The following UBE2E2 variants were observed in gnomAD, a reference collection of about 807,000 sequenced individuals.
The protein encoded by UBE2E2 is ubiquitin conjugating enzyme E2 E2.
UBE2E2 carries 6 observed loss-of-function variants against 24.7 expected under a neutral mutation model. The observed-to-expected ratio is 0.24, with a 90% CI of 0.13 to 0.48. The LOEUF is 0.48. Among genes scored for constraint, UBE2E2 ranks in the 20% least tolerant of loss-of-function variants. The pLI is 0.99. For synonymous variants in UBE2E2, 104 were observed against 83.6 expected (o/e 1.24, Z -1.33); for missense variants, 169 against 245.0 (o/e 0.69, Z 2.07).
intron 3 of UBE2E2, among the ~76,000 whole-genome samples, chr3:23,496,497 G>A (rs982074211): frequency 2.0e-5 from 3 of 152,130 alleles, no homozygotes; most frequent in South Asian, 2.1e-4. Flanking sequence ...AGTAGTATAT[G>A]TCCCTGTTTG....
intron 3 of UBE2E2, among the ~76,000 whole-genome samples, chr3:23,496,695 A>G (rs1483134245): frequency 6.6e-6 from 1 of 152,080 alleles, no homozygotes; most frequent in Non-Finnish European, 1.5e-5. Flanking sequence ...CAATTTTGCT[A>G]TTATAAATAG....
At chr3:23,349,570 C>A (rs1348627342) in intron 3 of UBE2E2, among the ~76,000 whole-genome samples, 1 of 152,220 alleles carries the variant, frequency 6.6e-6, no homozygotes, top group South Asian at 2.1e-4. Flanking sequence ...AACGGCGCAC[C>A]AGGAGATTAT....
chr3:23,472,011 GT>G (rs1487668440), intron 3 of UBE2E2, among the ~76,000 whole-genome samples: 2 of 149,884 alleles, frequency 1.3e-5, no homozygotes, highest in Non-Finnish European at 3.0e-5. Context: ...GCAAAATAAC[GT>G]TCCTACAATG....
chr3:23,539,275 T>G (rs1695334265), intron 5 of UBE2E2, among the ~76,000 whole-genome samples: 1 of 152,210 alleles, frequency 6.6e-6, no homozygotes, highest in Non-Finnish European at 1.5e-5. Context: ...ATTAACTGTT[T>G]ATTCTTTTTT....
intron 3 of UBE2E2, among the ~76,000 whole-genome samples, chr3:23,368,025 A>G (rs188603487): frequency 1.2e-4 from 19 of 152,222 alleles, no homozygotes; most frequent in Admixed American, 1.0e-3. Flanking sequence ...ACATATAGAT[A>G]TTTGGCTTTG....
At chr3:23,454,223 AT>A (rs1698626567) in intron 3 of UBE2E2, among the ~76,000 whole-genome samples, 1 of 152,216 alleles carries the variant, frequency 6.6e-6, no homozygotes, top group South Asian at 2.1e-4. Context: ...GATTTTTTAA[AT>A]TTTAACAGTA....
intron 5 of UBE2E2, among the ~76,000 whole-genome samples, chr3:23,552,623 C>T (rs1695671529): frequency 6.6e-6 from 1 of 152,146 alleles, no homozygotes; most frequent in African/African-American, 2.4e-5. Context: ...TCTGCATTCC[C>T]ACTCTACAGT....
At chr3:23,204,019 T>G (rs1360738420) in intron 1 of UBE2E2, among the ~76,000 whole-genome samples, 1 of 152,064 alleles carries the variant, frequency 6.6e-6, no homozygotes, top group East Asian at 1.9e-4. Flanking sequence ...TGTATTGGTC[T>G]TTTGTGATGC....
At chr3:23,315,879 G>A (rs934400871) in intron 3 of UBE2E2, among the ~76,000 whole-genome samples, 3 of 152,044 alleles carry the variant, frequency 2.0e-5, no homozygotes, top group Non-Finnish European at 4.4e-5. Flanking sequence ...ACCTGTAGAG[G>A]TACCATCTTG....
chr3:23,448,021 A>G (rs9880889), intron 3 of UBE2E2, among the ~76,000 whole-genome samples: 28,699 of 152,096 alleles, frequency 0.19, 3,833 homozygotes, highest in African/African-American at 0.37. Context: ...TATAAAATCA[A>G]TGTTCAGAGG....
At chr3:23,354,276 TA>T (rs1209745456) in intron 3 of UBE2E2, among the ~76,000 whole-genome samples, 2 of 151,988 alleles carry the variant, frequency 1.3e-5, no homozygotes, top group Non-Finnish European at 2.9e-5. Context: ...CCTAAAACCA[TA>T]AAAACCCTAG....
chr3:23,536,388 C>T (rs1438912088), intron 5 of UBE2E2, among the ~76,000 whole-genome samples: 3 of 152,070 alleles, frequency 2.0e-5, no homozygotes, highest in African/African-American at 4.8e-5. Flanking sequence ...CTTCTTGAGA[C>T]GTGTATAGGT....
intron 3 of UBE2E2, among the ~76,000 whole-genome samples, chr3:23,269,291 A>G (rs1973399): frequency 0.84 from 127,896 of 152,134 alleles, 53,870 homozygotes; most frequent in African/African-American, 0.9. Context: ...GAAAATTTTC[A>G]CAACCTACTC....
intron 3 of UBE2E2, among the ~76,000 whole-genome samples, chr3:23,339,029 A>G (rs187638957): frequency 1.3e-5 from 2 of 152,304 alleles, no homozygotes; most frequent in East Asian, 3.9e-4. Context: ...CTTACAGTGG[A>G]GAAAATGGAC....
chr3:23,339,862 C>CA, intron 3 of UBE2E2, among the ~76,000 whole-genome samples: 1 of 152,030 alleles, frequency 6.6e-6, no homozygotes, highest in South Asian at 2.1e-4. Flanking sequence ...TTAAAATAAT[C>CA]AAAGTAGTCA....
In UBE2E2 at chr3:23,507,033, A is replaced by G. The variant is rs114995350; in HGVS notation, c.360+7293A>G. Reference sequence around the variant, plus strand: ...ATAAAAGCCTATAAAGCCATATAGAACCACCCCGTCCACAGAACAGTTTTC... The same window carrying G: ...ATAAAAGCCTATAAAGCCATATAGAGCCACCCCGTCCACAGAACAGTTTTC... On this transcript the variant is annotated intron_variant, in intron 4 of 5. Transcript: ENST00000396703. 8.5e-3 allele frequency among the ~76,000 whole-genome samples: 1,295 copies of G among 152,268 alleles called. 14 individuals carry two copies. The highest frequency in any genetic ancestry group is 0.03 in the African/African-American group (1,232 of 41,542).
intron 5 of UBE2E2, among the ~76,000 whole-genome samples, chr3:23,567,120 A>G (rs1696093338): frequency 6.6e-6 from 1 of 152,212 alleles, no homozygotes; most frequent in South Asian, 2.1e-4. Context: ...ATGCTTCTAT[A>G]ACTAAAACAA....
intron 3 of UBE2E2, among the ~76,000 whole-genome samples, chr3:23,240,193 C>T (rs922203884): frequency 1.3e-5 from 2 of 152,210 alleles, no homozygotes; most frequent in African/African-American, 4.8e-5. Context: ...TACGCTTTCT[C>T]ATTTATTCCA....
At chr3:23,277,309 T>A (rs1470588697) in intron 3 of UBE2E2, among the ~76,000 whole-genome samples, 1 of 152,172 alleles carries the variant, frequency 6.6e-6, no homozygotes, top group Non-Finnish European at 1.5e-5. Flanking sequence ...CTGACTTATA[T>A]TTTCAAAGAT....
Sources: allele counts gnomAD v4.1 joint callset (sites outside exome capture counted in the v4.1 genomes callset), GRCh38; gene constraint gnomAD v4.1.1; transcripts MANE v1.5; gene names NCBI Gene and HGNC (gene_info 2026-07-23, HGNC 2026-07-21).